TULP3: variants seen among roughly 807,000 people sequenced by gnomAD.
TULP3 encodes tubby-related protein 3.
Under a neutral mutation model 50.7 loss-of-function variants are expected in TULP3, and 38 were observed. The observed-to-expected ratio is 0.75, with a 90% confidence interval of 0.58 to 0.98. The LOEUF is 0.98. Ranked by LOEUF, TULP3 falls within the 50% of genes least tolerant of loss-of-function variation. The pLI, the probability that TULP3 is intolerant of heterozygous loss-of-function variation, is 0.00. For missense variants in TULP3, 550 were observed against 568.0 expected (o/e 0.97, Z 0.32); for synonymous variants, 183 against 196.6 (o/e 0.93, Z 0.58).
In TULP3 at chr12:2,939,989, C is replaced by T. The variant is rs1284857973; in HGVS notation, c.*545C>T. 5 of 1,281,062 alleles carry T rather than the reference C, an allele frequency of 3.9e-6. No individual in the cohort carries two copies. Among genetic ancestry groups the T allele is most frequent in the South Asian group, 3.7e-5 (3 of 80,932 alleles). The allele number at this position is 1,281,062 out of a possible 1,614,324, so 79.4% of individuals were successfully genotyped here. On this transcript the variant is annotated 3_prime_UTR_variant, in exon 11 of 11. Coordinates refer to ENST00000448120, the MANE Select transcript of TULP3 (RefSeq NM_003324.5). This position sits in a 1 kb window ranked among gnomAD's most constrained non-coding sequence, Gnocchi z 4.0. ...TTGCAGTAGAATCAGGGACTGACAT[C>T]GCAGTTCCTCTCCTCTCTTCATTCC... is the stretch of plus-strand genomic sequence containing the variant.
In TULP3 at chr12:2,890,984, G is replaced by T. The variant is rs1164359285; in HGVS notation, c.37G>T (p.Asp13Tyr). The T allele has an allele frequency of 1.3e-6, 2 of 1,590,594 alleles. No homozygotes were observed. The highest frequency in any genetic ancestry group is 8.6e-7 in the Non-Finnish European group (1 of 1,169,520). The change falls in exon 1 of 11, where the codon GAC (aspartate) becomes TAC (tyrosine). Residue 13 changes from aspartate (D) to tyrosine (Y), a missense_variant. Physicochemically the swap from Asp to Tyr is radical, Grantham distance 160. Transcript: ENST00000448120. ...GCGCTGCCGGCTCAGTCCCAGCGGC[G>T]ACAGGTCAGACAGGGCCGTGGCAGG... ...ASRCRLSPSG[D>Y]SVFHEEMMKM... is the part of the protein sequence containing the mutation.
intron 2 of TULP3, among the ~76,000 whole-genome samples, chr12:2,915,893 T>C (rs369987243): frequency 1.1e-3 from 161 of 152,082 alleles, no homozygotes; most frequent in African/African-American, 3.6e-3. Context: ...CTGATGCTGG[T>C]TGTACTCTGT....
In TULP3 at chr12:2,941,131, T is replaced by C. The variant is rs1371185926; in HGVS notation, c.*1687T>C. ...TGTTACAGAAATAAAAGTTAATTTA[T>C]ATAAAAATGTGTCACTGCCTTTGCA... On this transcript the variant is annotated 3_prime_UTR_variant, in exon 11 of 11. Coordinates refer to ENST00000448120, the MANE Select transcript of TULP3 (RefSeq NM_003324.5). 1 of 159,720 alleles carries C rather than the reference T, an allele frequency of 6.3e-6. No homozygotes were observed. Among genetic ancestry groups the C allele is most frequent in the African/African-American group, 2.4e-5 (1 of 41,710 alleles). 9.9% of individuals were successfully genotyped at this position (159,720 alleles called of 1,614,324 possible).
intron 8 of TULP3, among the ~76,000 whole-genome samples, chr12:2,935,019 C>G (rs908801621): frequency 4.6e-5 from 7 of 151,932 alleles, no homozygotes; most frequent in African/African-American, 9.7e-5. Context: ...TCATTTCACA[C>G]CCGGGAAAGG....
chr12:2,898,565 A>G (rs2098176942), intron 1 of TULP3, among the ~76,000 whole-genome samples: 1 of 152,230 alleles, frequency 6.6e-6, no homozygotes, highest in East Asian at 1.9e-4. Flanking sequence ...CTGTTGTAGC[A>G]CAAAAGCAGC....
chr12:2,911,121 T>A (rs1330386406), intron 2 of TULP3, among the ~76,000 whole-genome samples: 1 of 152,150 alleles, frequency 6.6e-6, no homozygotes, highest in East Asian at 1.9e-4. Flanking sequence ...CCTAATATTT[T>A]GTAATTGTAT....
intron 4 of TULP3, among the ~76,000 whole-genome samples, chr12:2,922,839 C>A (rs2098192541): frequency 6.7e-6 from 1 of 148,650 alleles, no homozygotes; most frequent in Admixed American, 6.9e-5. Flanking sequence ...AGTCTTCTTT[C>A]CTTTTTAGAA....
chr12:2,922,516 G>A (rs2098192377), intron 4 of TULP3, 114 bp downstream of exon 4: 4 of 1,339,086 alleles, frequency 3.0e-6, no homozygotes, highest in Non-Finnish European at 4.1e-6. Context: ...CATGGCTTAG[G>A]GCCTCACAGA....
chr12:2,938,407 G>A (rs1277577536), intron 10 of TULP3, 122 bp downstream of exon 10: 4 of 1,160,798 alleles, frequency 3.4e-6, no homozygotes, highest in Non-Finnish European at 1.2e-6. Context: ...GGAGAGACAG[G>A]ATTTCTTTGG....
intron 7 of TULP3, 92 bp downstream of exon 7, chr12:2,933,622 G>T (rs2153950373): frequency 1.6e-6 from 1 of 615,454 alleles, no homozygotes; most frequent in Non-Finnish European, 2.7e-6. Flanking sequence ...CAACTAGCAT[G>T]TATTGATGTT....
At chr12:2,904,772 C>T (rs1028835497) in intron 1 of TULP3, among the ~76,000 whole-genome samples, 1 of 151,964 alleles carries the variant, frequency 6.6e-6, no homozygotes. Context: ...GTTAGGCTTA[C>T]TATTCAATAA....
chr12:2,895,090 A>G (rs768999278), intron 1 of TULP3, among the ~76,000 whole-genome samples: 1 of 152,204 alleles, frequency 6.6e-6, no homozygotes, highest in Non-Finnish European at 1.5e-5. Context: ...CATCTTAAAT[A>G]GCCTTTTTGT....
chr12:2,901,312 C>CT (rs371069831), intron 1 of TULP3, among the ~76,000 whole-genome samples: 49,141 of 103,984 alleles, frequency 0.47, 11,727 homozygotes, highest in Non-Finnish European at 0.5. Flanking sequence ...TTCTTTCTTT[C>CT]TTTTTTTTTT....
At chr12:2,929,890 G>A (rs997543744) in intron 4 of TULP3, among the ~76,000 whole-genome samples, 1 of 152,016 alleles carries the variant, frequency 6.6e-6, no homozygotes, top group African/African-American at 2.4e-5. Context: ...CGCCCAGCCT[G>A]CCCTGCCTAA....
At chr12:2,895,859 G>C (rs2098175254) in intron 1 of TULP3, among the ~76,000 whole-genome samples, 1 of 151,864 alleles carries the variant, frequency 6.6e-6, no homozygotes, top group African/African-American at 2.4e-5. Context: ...TATACAGCCT[G>C]TTACTGTACT....
rs1010511428 is a variant in TULP3, at chr12:2,933,526, C to T, written c.805C>T (p.Leu269Phe). The T allele has an allele frequency of 5.6e-6, 9 of 1,608,664 alleles. No individual in the cohort carries two copies. In the Admixed American group the frequency reaches 1.3e-4, roughly 24 times the overall value. ...SREGESYVGK[L>F]RSNLMGTKFT... ...TGAAGGAGAAAGTTATGTCGGCAAGCTTAGGTGAAAGCAACCTTAGATCAC... is the reference window on the plus strand; with the variant it reads ...TGAAGGAGAAAGTTATGTCGGCAAGTTTAGGTGAAAGCAACCTTAGATCAC... The change falls in exon 7 of 11, where the codon CTT (leucine) becomes TTT (phenylalanine). Residue 269 changes from leucine to phenylalanine, a missense_variant. By Grantham distance (22) the Leu-to-Phe change is conservative. Coordinates refer to ENST00000448120, the MANE Select transcript of TULP3 (RefSeq NM_003324.5).
At chr12:2,915,545 G>T (rs1473177975) in intron 2 of TULP3, among the ~76,000 whole-genome samples, 5 of 144,884 alleles carry the variant, frequency 3.5e-5, no homozygotes, top group South Asian at 2.1e-4. Flanking sequence ...TTTTTATTTT[G>T]TTTTTTTTTT....
intron 6 of TULP3, among the ~76,000 whole-genome samples, chr12:2,932,844 T>G (rs1480703401): frequency 2.0e-5 from 3 of 152,048 alleles, no homozygotes; most frequent in Non-Finnish European, 4.4e-5. Flanking sequence ...ACTGGAAGTT[T>G]TAGGGATGAA....
At position 2,931,144 on chromosome 12, in the gene TULP3, CA is replaced by C. The variant is rs767236316; in HGVS notation, c.601del (p.Thr201GlnfsTer2). 1 of 1,614,156 alleles carries C rather than the reference CA, an allele frequency of 6.2e-7. No homozygotes were observed. Among genetic ancestry groups the C allele is most frequent in the Non-Finnish European group, 8.5e-7 (1 of 1,180,040 alleles). On this transcript the variant is annotated frameshift_variant, in exon 6 of 11. Transcript: ENST00000448120. LOFTEE classifies it high-confidence loss of function. ...TGTATAGTCCTGCCCCTCAAGGTGT[CA>C]CAGTAAGATGTCGGATAATCCGGGA... ...FVYSPAPQGV[T>X]VRCRIIRDKR...
Sources: gnomAD v4.1 joint callset for allele counts (sites outside exome capture counted in the v4.1 genomes callset) on GRCh38, gnomAD v4.1.1 for gene constraint, Gnocchi (gnomAD v3.1) non-coding constraint, MANE v1.5 for transcripts, NCBI Gene and HGNC (gene_info 2026-07-23, HGNC 2026-07-21) for gene names.